The following NMNAT2 variants were observed in gnomAD, a reference collection of about 807,000 sequenced individuals.
NMNAT2 encodes the protein nicotinamide/nicotinic acid mononucleotide adenylyltransferase 2.
NMNAT2 carries 11 observed loss-of-function variants against 41.6 expected under a neutral mutation model. That is an observed-to-expected ratio of 0.26 (90% CI 0.17 to 0.44). NMNAT2 has a LOEUF of 0.44. Ranked by LOEUF, NMNAT2 falls within the 20% of genes least tolerant of loss-of-function variation. The probability of loss-of-function intolerance (pLI) is 1.00; values close to 1 mark genes in which losing one functional copy is unlikely to be tolerated. For synonymous variants in NMNAT2, 148 were observed against 151.2 expected (o/e 0.98, Z 0.16); for missense variants, 288 against 407.7 (o/e 0.71, Z 2.53).
chr1:183,292,466 G>A (rs754306126), intron 3 of NMNAT2, among the ~76,000 whole-genome samples: 2 of 152,188 alleles, frequency 1.3e-5, no homozygotes, highest in African/African-American at 2.4e-5. Flanking sequence ...AAAGTGAGAG[G>A]CATTTCTGAT....
At chr1:183,266,300 A>G (rs624998) in intron 8 of NMNAT2, among the ~76,000 whole-genome samples, 147,316 of 152,216 alleles carry the variant, frequency 0.97, 71,483 homozygotes, top group East Asian at 1. Flanking sequence ...CCCAATAGCC[A>G]GACTGATTAT....
At chr1:183,261,163 G>T in intron 9 of NMNAT2, 39 bp downstream of exon 9, 2 of 1,605,076 alleles carry the variant, frequency 1.2e-6, no homozygotes, top group South Asian at 1.1e-5. Flanking sequence ...CTCAGAGAAG[G>T]GCCATAACAC....
At chr1:183,418,076 C>T (rs1293511194) in intron 1 of NMNAT2, 107 bp downstream of exon 1, 6 of 1,041,060 alleles carry the variant, frequency 5.8e-6, no homozygotes, top group Non-Finnish European at 8.8e-6. Context: ...GCCGGCCCAC[C>T]CCTCCGAAGG....
chr1:183,390,816 G>A (rs555456447), intron 1 of NMNAT2, among the ~76,000 whole-genome samples: 4 of 152,154 alleles, frequency 2.6e-5, no homozygotes, highest in Non-Finnish European at 5.9e-5. Flanking sequence ...ACATTTTGAA[G>A]GTCAGCTTGG....
At chr1:183,413,205 G>C (rs1649164990) in intron 1 of NMNAT2, among the ~76,000 whole-genome samples, 1 of 152,220 alleles carries the variant, frequency 6.6e-6, no homozygotes, top group Non-Finnish European at 1.5e-5. Context: ...CTTTGCTGCA[G>C]AGTTTACAAA....
At chr1:183,257,405 C>A (rs1660544449) in intron 10 of NMNAT2, among the ~76,000 whole-genome samples, 1 of 152,138 alleles carries the variant, frequency 6.6e-6, no homozygotes, top group Non-Finnish European at 1.5e-5. Context: ...CACGCTATTG[C>A]ACTCCAGCCT....
intron 8 of NMNAT2, among the ~76,000 whole-genome samples, chr1:183,264,013 A>G (rs761325111): frequency 1.3e-5 from 2 of 152,118 alleles, no homozygotes; most frequent in African/African-American, 2.4e-5. Flanking sequence ...AGGAAAGGAG[A>G]GAAAAGAAAG....
chr1:183,326,841 G>A (rs1297127818), intron 1 of NMNAT2, among the ~76,000 whole-genome samples: 1 of 152,090 alleles, frequency 6.6e-6, no homozygotes, highest in Admixed American at 6.5e-5. Context: ...AGAATCACCA[G>A]GTGGGCTGAA....
intron 1 of NMNAT2, among the ~76,000 whole-genome samples, chr1:183,323,694 G>C (rs918550516): frequency 3.3e-5 from 5 of 152,192 alleles, no homozygotes; most frequent in Non-Finnish European, 1.5e-5. Context: ...GATTTAGGCA[G>C]GATGTGGATC....
intron 1 of NMNAT2, among the ~76,000 whole-genome samples, chr1:183,310,433 T>C (rs1662087277): frequency 6.6e-6 from 1 of 152,208 alleles, no homozygotes; most frequent in African/African-American, 2.4e-5. Context: ...CCTCTTTCCT[T>C]CATGAGCCTG....
chr1:183,288,847 A>G (rs190038008), intron 4 of NMNAT2, among the ~76,000 whole-genome samples: 10 of 152,346 alleles, frequency 6.6e-5, no homozygotes, highest in African/African-American at 2.4e-4. Flanking sequence ...GGAGACCAGC[A>G]CAGAGGAGCA....
intron 1 of NMNAT2, among the ~76,000 whole-genome samples, chr1:183,380,170 T>C (rs1452841597): frequency 1.3e-5 from 2 of 152,234 alleles, no homozygotes; most frequent in African/African-American, 4.8e-5. Flanking sequence ...CTCTATTTTC[T>C]CTGGTCATAA....
intron 2 of NMNAT2, among the ~76,000 whole-genome samples, chr1:183,293,281 G>A (rs1339072922): frequency 6.6e-6 from 1 of 152,242 alleles, no homozygotes; most frequent in African/African-American, 2.4e-5. Context: ...ACGTGGCAGG[G>A]AGGGATGAGC....
At chr1:183,323,853 G>T (rs572174753) in intron 1 of NMNAT2, among the ~76,000 whole-genome samples, 2 of 152,204 alleles carry the variant, frequency 1.3e-5, no homozygotes, top group African/African-American at 4.8e-5. Flanking sequence ...TCTCTCCTAC[G>T]AGATTTGGCC....
chr1:183,252,824 G>T, intron 10 of NMNAT2, 81 bp from the exon 11 acceptor site: 1 of 1,004,280 alleles, frequency 1.0e-6, no homozygotes, highest in Non-Finnish European at 1.6e-6. Context: ...TGTCTCCCCA[G>T]CACCCCATTT....
chr1:183,341,789 A>G (rs1662822280), intron 1 of NMNAT2, among the ~76,000 whole-genome samples: 1 of 142,474 alleles, frequency 7.0e-6, no homozygotes, highest in African/African-American at 2.6e-5. Flanking sequence ...TCATGTGTTT[A>G]TGATTACTTT....
At chr1:183,345,436 T>C (rs1662906065) in intron 1 of NMNAT2, among the ~76,000 whole-genome samples, 1 of 152,154 alleles carries the variant, frequency 6.6e-6, no homozygotes, top group Non-Finnish European at 1.5e-5. Flanking sequence ...CTCTCATGAA[T>C]GGATTAATCC....
At chr1:183,305,496 C>G (rs1661973417) in intron 1 of NMNAT2, among the ~76,000 whole-genome samples, 1 of 152,142 alleles carries the variant, frequency 6.6e-6, no homozygotes, top group African/African-American at 2.4e-5. Context: ...TACAAGTTTA[C>G]CATACACGCT....
At chr1:183,379,249 T>C (rs1287612038) in intron 1 of NMNAT2, among the ~76,000 whole-genome samples, 1 of 152,134 alleles carries the variant, frequency 6.6e-6, no homozygotes, top group East Asian at 1.9e-4. Flanking sequence ...GGCATGATCA[T>C]GGCTTATTGC....
Sources: gnomAD v4.1 joint callset for allele counts (sites outside exome capture counted in the v4.1 genomes callset) on GRCh38, gnomAD v4.1.1 for gene constraint, MANE v1.5 for transcripts, NCBI Gene and HGNC (gene_info 2026-07-23, HGNC 2026-07-21) for gene names.